The following STARD9 variants were observed in gnomAD, a reference collection of about 807,000 sequenced individuals.
STARD9 encodes the protein StAR related lipid transfer domain containing 9.
A neutral mutation model predicts 399.8 loss-of-function variants in STARD9; 346 were observed. The ratio of observed to expected loss-of-function variants is 0.87; its 90% CI spans 0.79 to 0.95. STARD9 has a LOEUF of 0.95. Ranked by LOEUF, STARD9 falls within the 40% of genes least tolerant of loss-of-function variation. The pLI, the probability that STARD9 is intolerant of heterozygous loss-of-function variation, is 0.00. For missense variants in STARD9, 5,832 were observed against 5,667.5 expected (o/e 1.03, Z -0.93); for synonymous variants, 2,203 against 2,143.5 (o/e 1.03, Z -0.77).
chr15:42,716,633 GTGCT>G, intron 26 of STARD9, 40 bp from the exon 27 acceptor site: 2 of 1,242,996 alleles, frequency 1.6e-6, no homozygotes, highest in Non-Finnish European at 2.3e-6. Flanking sequence ...AGATAATTCT[GTGCT>G]TGCCTTCTGG....
In STARD9 at chr15:42,689,157, T is replaced by G. The variant is rs2060630420; in HGVS notation, c.7579T>G (p.Ser2527Ala). 2 of 1,537,282 alleles carry G rather than the reference T, an allele frequency of 1.3e-6. No homozygotes were observed. The highest frequency in any genetic ancestry group is 1.2e-5 in the South Asian group (1 of 84,064). The change falls in exon 23 of 33, where the codon TCC (serine) becomes GCC (alanine). Residue 2527 changes from serine (S) to alanine (A), a missense_variant. Physicochemically the swap from Ser to Ala is moderately conservative, Grantham distance 99 (BLOSUM62 1). Coordinates refer to ENST00000290607, the MANE Select transcript of STARD9 (RefSeq NM_020759.3). ...LTSGVSLAPV[S>A]LPRVPSPEPR... is the part of the protein sequence containing the mutation. ...CAGCGGTGTTTCCTTAGCACCTGTT[T>G]CCCTGCCGAGGGTGCCCAGTCCAGA...
chr15:42,718,338 G>A, intron 30 of STARD9, 97 bp from the exon 31 acceptor site: 1 of 1,244,954 alleles, frequency 8.0e-7, no homozygotes, highest in Non-Finnish European at 1.1e-6. Flanking sequence ...TAGGTGTCAA[G>A]TGATGGGGTG....
intron 3 of STARD9, among the ~76,000 whole-genome samples, chr15:42,601,114 C>A (rs936199949): frequency 6.6e-6 from 1 of 152,150 alleles, no homozygotes; most frequent in South Asian, 2.1e-4. Flanking sequence ...CAAAGCACAT[C>A]TTGCACTGCC....
intron 16 of STARD9, among the ~76,000 whole-genome samples, chr15:42,673,509 A>G (rs1306316414): frequency 6.6e-6 from 1 of 152,184 alleles, no homozygotes; most frequent in Non-Finnish European, 1.5e-5. Flanking sequence ...ATTTCTAGTT[A>G]TAGCTCTTCT....
rs1425770985 is a variant in STARD9 at position 42,686,537 on chromosome 15, C to T, written c.4959C>T (p.Asn1653=). The part of the protein sequence containing the change: ...TSSDEDFFQK[N]ACHSNVTTAT... Reference sequence around the variant, plus strand: ...CTGATGAGGATTTTTTCCAGAAGAACGCTTGTCACAGTAATGTCACTACAG... The same window carrying T: ...CTGATGAGGATTTTTTCCAGAAGAATGCTTGTCACAGTAATGTCACTACAG... Residue 1653 remains asparagine, a synonymous_variant, in exon 23 of 33, where the codon AAC becomes AAT. Transcript: ENST00000290607. 15 of 1,537,424 alleles carry T rather than the reference C, an allele frequency of 9.8e-6. No individual in the cohort carries two copies. The highest frequency in any genetic ancestry group is 2.7e-5 in the African/African-American group (2 of 73,006).
At chr15:42,642,494 AC>A (rs2141954125) in intron 7 of STARD9, among the ~76,000 whole-genome samples, 1 of 152,362 alleles carries the variant, frequency 6.6e-6, no homozygotes, top group South Asian at 2.1e-4. Flanking sequence ...ATATAAAGGT[AC>A]AGGTGCAAAC....
chr15:42,664,024 A>G, intron 13 of STARD9, 107 bp downstream of exon 13: 1 of 723,718 alleles, frequency 1.4e-6, no homozygotes, highest in Non-Finnish European at 2.4e-6. Flanking sequence ...AACTTTCCAG[A>G]CTTGTCCTCC....
chr15:42,667,754 C>G (rs1044885826), intron 15 of STARD9, among the ~76,000 whole-genome samples: 4 of 152,244 alleles, frequency 2.6e-5, no homozygotes, highest in Non-Finnish European at 4.4e-5. Context: ...GCTGGGATTA[C>G]AGGCGTGAGC....
Position 42,685,776 on chromosome 15 carries a change from C to T in STARD9, c.4198C>T (p.Gln1400Ter). Residue 1400 changes from glutamine (Q) to a stop codon, truncating the protein, a stop_gained, in exon 23 of 33, where the codon CAA becomes TAA. Coordinates refer to ENST00000290607, the MANE Select transcript of STARD9 (RefSeq NM_020759.3). LOFTEE classifies it high-confidence loss of function. ...TVLPYSSKLHQGSTELLCSAR... is the reference protein window; with the variant it reads ...TVLPYSSKLH Reference sequence around the variant, plus strand: ...TCTGCCATATAGCTCCAAACTGCACCAAGGCAGTACTGAGCTCCTCTGCAG... The same window carrying T: ...TCTGCCATATAGCTCCAAACTGCACTAAGGCAGTACTGAGCTCCTCTGCAG... 6.5e-7 allele frequency: 1 copy of T among 1,537,312 alleles called. No homozygotes were observed. The highest frequency in any genetic ancestry group is 8.7e-7 in the Non-Finnish European group (1 of 1,146,948).
In STARD9 at chr15:42,692,605, G is replaced by T; in HGVS notation, c.11027G>T (p.Ser3676Ile). The change falls in exon 23 of 33, where the codon AGC becomes ATC. Residue 3676 changes from serine (S) to isoleucine (I), a missense_variant. Physicochemically the swap from Ser to Ile is moderately radical, Grantham distance 142. Coordinates refer to ENST00000290607, the MANE Select transcript of STARD9 (RefSeq NM_020759.3). The part of the protein sequence containing the change: ...VSAFDLASWT[S>I]MHNLSLHLSQ... ...GCCTTTGATCTGGCCTCATGGACCA[G>T]CATGCACAATCTGTCTCTCCACCTC... 6.5e-7 allele frequency: 1 copy of T among 1,537,196 alleles called. No homozygotes were observed. The highest frequency in any genetic ancestry group is 8.7e-7 in the Non-Finnish European group (1 of 1,146,916).
At chr15:42,718,612 G>A (rs2061394998) in intron 31 of STARD9, 98 bp downstream of exon 31, 2 of 1,427,812 alleles carry the variant, frequency 1.4e-6, no homozygotes, top group Admixed American at 2.0e-5. Flanking sequence ...GGGGAAGGAG[G>A]GCAAATTGGG....
intron 9 of STARD9, among the ~76,000 whole-genome samples, chr15:42,660,653 G>A (rs1192258719): frequency 6.6e-6 from 1 of 151,562 alleles, no homozygotes. Context: ...ACATTGAATC[G>A]GGGTTGGGGG....
intron 3 of STARD9, among the ~76,000 whole-genome samples, chr15:42,619,625 G>C (rs780962040): frequency 3.3e-5 from 5 of 152,122 alleles, no homozygotes; most frequent in Non-Finnish European, 5.9e-5. Context: ...GTTTAATAGG[G>C]TTCACACTCT....
intron 18 of STARD9, chr15:42,675,414 A>C: frequency 1.9e-6 from 1 of 517,908 alleles, no homozygotes. Context: ...CTCCTCTTCC[A>C]TCAAGTGTTC....
chr15:42,711,624 G>A (rs924371410), intron 26 of STARD9, among the ~76,000 whole-genome samples: 3 of 152,054 alleles, frequency 2.0e-5, no homozygotes, highest in Admixed American at 6.6e-5. Flanking sequence ...CCACAACAAG[G>A]GGTCCTTCAT....
intron 7 of STARD9, among the ~76,000 whole-genome samples, chr15:42,639,564 T>G (rs2059491734): frequency 6.6e-6 from 1 of 152,176 alleles, no homozygotes; most frequent in African/African-American, 2.4e-5. Context: ...AGGCCACTTA[T>G]AAGAAGTAAT....
At chr15:42,585,487 T>C (rs2058256179) in intron 2 of STARD9, 34 bp from the exon 3 acceptor site, 2 of 1,436,836 alleles carry the variant, frequency 1.4e-6, no homozygotes, top group Non-Finnish European at 1.9e-6. Flanking sequence ...AATATTATGA[T>C]AGAAAAGACA....
chr15:42,651,208 C>T, intron 8 of STARD9, 123 bp downstream of exon 8: 1 of 589,884 alleles, frequency 1.7e-6, no homozygotes, highest in Non-Finnish European at 2.8e-6. Flanking sequence ...ATGTTCACAA[C>T]CAGGAGGCTC....
chr15:42,586,076 C>G (rs778066446), intron 3 of STARD9, among the ~76,000 whole-genome samples: 10 of 152,202 alleles, frequency 6.6e-5, no homozygotes, highest in Non-Finnish European at 1.0e-4. Flanking sequence ...GAAAAGACTG[C>G]TTGAACAAGA....
Sources: allele counts gnomAD v4.1 joint callset (sites outside exome capture counted in the v4.1 genomes callset), GRCh38; gene constraint gnomAD v4.1.1; transcripts MANE v1.5; gene names NCBI Gene and HGNC (gene_info 2026-07-23, HGNC 2026-07-21).